ARPP21: variants seen among roughly 807,000 people sequenced by gnomAD.
ARPP21 encodes the protein cAMP regulated phosphoprotein 21, also known as cAMP-regulated phosphoprotein 21.
A neutral mutation model predicts 113.2 loss-of-function variants in ARPP21; 69 were observed. That is an observed-to-expected ratio of 0.61 (90% CI 0.50 to 0.74). The LOEUF is 0.74. ARPP21 is among the 30% of genes least tolerant of loss of function. The pLI, the probability that ARPP21 is intolerant of heterozygous loss-of-function variation, is 0.00. For synonymous variants in ARPP21, 368 were observed against 375.5 expected (o/e 0.98, Z 0.23); for missense variants, 1,070 against 1,037.4 (o/e 1.03, Z -0.43).
intron 1 of ARPP21, among the ~76,000 whole-genome samples, chr3:35,664,921 C>CT (rs1709531273): frequency 6.6e-6 from 1 of 152,190 alleles, no homozygotes. Flanking sequence ...CTTGCATACT[C>CT]TGAGTGACTT....
At chr3:35,676,698 A>G (rs1340701030) in intron 1 of ARPP21, among the ~76,000 whole-genome samples, 1 of 151,948 alleles carries the variant, frequency 6.6e-6, no homozygotes, top group Non-Finnish European at 1.5e-5. Flanking sequence ...TCACCTTGGG[A>G]AAATTTCAGA....
chr3:35,753,155 G>A lies in ARPP21; in HGVS notation c.2137+9190G>A, dbSNP rs564495241. ...TTATTTTTCCCTTGTGGAAAATACG[G>A]TGCTTCAGGTAAAGTTGTTGTGTGA... On this transcript the variant is annotated intron_variant, in intron 19 of 20. Transcript: ENST00000684406. Among the ~76,000 whole-genome samples the A allele has an allele frequency of 2.4e-4, 36 of 151,734 alleles. No homozygotes were observed. In the South Asian group the frequency reaches 6.9e-3, roughly 29 times the overall value.
At chr3:35,667,378 A>G (rs2074651111) in intron 1 of ARPP21, among the ~76,000 whole-genome samples, 1 of 152,146 alleles carries the variant, frequency 6.6e-6, no homozygotes, top group Non-Finnish European at 1.5e-5. Context: ...TTGCATTGTG[A>G]TTACGTGTCA....
chr3:35,684,064 GA>G, intron 5 of ARPP21: 1 of 1,594,800 alleles, frequency 6.3e-7, no homozygotes, highest in Non-Finnish European at 8.5e-7. Flanking sequence ...AAAGAATTTA[GA>G]TTAAAAGTTA....
chr3:35,672,186 T>A (rs951039520), intron 1 of ARPP21, among the ~76,000 whole-genome samples: 7 of 152,094 alleles, frequency 4.6e-5, no homozygotes, highest in Non-Finnish European at 1.0e-4. Flanking sequence ...ACTTCTGTAA[T>A]TAGTTTCATA....
intron 3 of ARPP21, chr3:35,682,529 C>T (rs113026490): frequency 3.6e-6 from 1 of 277,064 alleles, no homozygotes; most frequent in East Asian, 6.4e-5. Context: ...AGTGTTAACT[C>T]TTTATATACC....
intron 19 of ARPP21, among the ~76,000 whole-genome samples, chr3:35,783,173 A>T (rs1227312590): frequency 6.6e-6 from 1 of 152,098 alleles, no homozygotes; most frequent in Non-Finnish European, 1.5e-5. Context: ...ATTGTGCCTT[A>T]CAACTCCATT....
At chr3:35,730,241 A>G (rs917569454) in intron 15 of ARPP21, among the ~76,000 whole-genome samples, 9 of 152,206 alleles carry the variant, frequency 5.9e-5, no homozygotes, top group Admixed American at 6.5e-5. Flanking sequence ...ATTGATTTCA[A>G]AAGACTGAGG....
intron 1 of ARPP21, among the ~76,000 whole-genome samples, chr3:35,667,948 A>AAAGAAGAAGAAGAAGAAGAAGAAGAAG (rs4025938): frequency 1.7e-5 from 1 of 58,038 alleles, no homozygotes; most frequent in Non-Finnish European, 3.3e-5. Context: ...GAGAAGAAGA[A>AAAGAAGAAGAAGAAGAAGAAGAAGAAG]AAGAAGAAGA....
At chr3:35,647,260 A>G (rs1449388905) in intron 1 of ARPP21, among the ~76,000 whole-genome samples, 1 of 152,210 alleles carries the variant, frequency 6.6e-6, no homozygotes, top group African/African-American at 2.4e-5. Context: ...ACAAACTTAT[A>G]CATCTTCCAG....
chr3:35,766,831 ATGTGTGTG>A (rs10662640), intron 19 of ARPP21, among the ~76,000 whole-genome samples: 2 of 149,894 alleles, frequency 1.3e-5, no homozygotes, highest in African/African-American at 4.9e-5. Context: ...TATTATACAT[ATGTGTGTG>A]TGTGTGTGTG....
At chr3:35,768,469 A>C (rs1465590631) in intron 19 of ARPP21, among the ~76,000 whole-genome samples, 1 of 152,162 alleles carries the variant, frequency 6.6e-6, no homozygotes, top group African/African-American at 2.4e-5. Flanking sequence ...TGAGACTATC[A>C]CTAGTTTATA....
chr3:35,664,323 C>T (rs368509597), intron 1 of ARPP21, among the ~76,000 whole-genome samples: 10 of 152,134 alleles, frequency 6.6e-5, no homozygotes, highest in African/African-American at 2.4e-4. Flanking sequence ...CCTCTCTTCT[C>T]GCTATTTGGA....
chr3:35,650,427 A>G (rs1701939081), intron 1 of ARPP21: 1 of 152,154 alleles, frequency 6.6e-6, no homozygotes, highest in Non-Finnish European at 1.5e-5. Flanking sequence ...ACTTTTCTGA[A>G]CAATGAATTG....
intron 15 of ARPP21, 80 bp downstream of exon 15, chr3:35,729,616 A>G: frequency 4.0e-6 from 5 of 1,263,218 alleles, no homozygotes; most frequent in Non-Finnish European, 5.6e-6. Flanking sequence ...ATTTGCTAGC[A>G]AGTATTCTGA....
intron 1 of ARPP21, among the ~76,000 whole-genome samples, chr3:35,659,478 A>G (rs1706640417): frequency 1.3e-5 from 2 of 152,294 alleles, no homozygotes; most frequent in Non-Finnish European, 1.5e-5. Context: ...TTCATTTCCT[A>G]TTGTATTCTA....
chr3:35,710,542 A>ACACAC (rs2090770382), intron 11 of ARPP21, among the ~76,000 whole-genome samples: 3 of 132,862 alleles, frequency 2.3e-5, no homozygotes, highest in African/African-American at 7.9e-5. Context: ...CTCTCTCTCA[A>ACACAC]ACACACACAC....
intron 15 of ARPP21, among the ~76,000 whole-genome samples, chr3:35,730,244 GACTGAGGGC>G (rs1448889036): frequency 6.6e-6 from 1 of 152,170 alleles, no homozygotes; most frequent in Non-Finnish European, 1.5e-5. Flanking sequence ...GATTTCAAAA[GACTGAGGGC>G]ACTGAGATTC....
intron 9 of ARPP21, among the ~76,000 whole-genome samples, chr3:35,699,234 G>C (rs2085303714): frequency 6.6e-6 from 1 of 151,556 alleles, no homozygotes. Flanking sequence ...ATGTATAATA[G>C]TTTTGGAAGA....
Sources: gnomAD v4.1 joint callset for allele counts (sites outside exome capture counted in the v4.1 genomes callset) on GRCh38, gnomAD v4.1.1 for gene constraint, MANE v1.5 for transcripts, NCBI Gene and HGNC (gene_info 2026-07-23, HGNC 2026-07-21) for gene names.